Variants in EEFSEC observed in about 807,000 individuals in gnomAD.
EEFSEC encodes the protein eukaryotic elongation factor, selenocysteine-tRNA specific, also known as selenocysteine-specific elongation factor.
A neutral mutation model predicts 42.1 loss-of-function variants in EEFSEC; 43 were observed. That is an observed-to-expected ratio of 1.02 (90% CI 0.80 to 1.32). The LOEUF (loss-of-function observed/expected upper bound fraction) is 1.32, where lower values mean the gene tolerates loss of function less well. EEFSEC is among the 40% of genes most tolerant of loss of function. EEFSEC has a pLI of 0.00. For synonymous variants in EEFSEC, 354 were observed against 339.1 expected (o/e 1.04, Z -0.48); for missense variants, 745 against 803.6 (o/e 0.93, Z 0.88).
intron 6 of EEFSEC, among the ~76,000 whole-genome samples, chr3:128,401,974 G>A (rs373565588): frequency 3.0e-4 from 45 of 152,284 alleles, no homozygotes; most frequent in African/African-American, 9.6e-4. Context: ...AGATGTCAGC[G>A]AGCTTTCTGG....
chr3:128,372,939 A>G (rs2067670911), intron 6 of EEFSEC, among the ~76,000 whole-genome samples: 1 of 152,244 alleles, frequency 6.6e-6, no homozygotes, highest in Middle Eastern at 3.2e-3. Context: ...TGTCACTTCC[A>G]TGAAACCTCT....
At chr3:128,186,612 G>C (rs1467363182) in intron 1 of EEFSEC, among the ~76,000 whole-genome samples, 3 of 152,114 alleles carry the variant, frequency 2.0e-5, no homozygotes, top group Admixed American at 6.5e-5. Flanking sequence ...GCATGAAGTA[G>C]AGGTCCAACT....
At chr3:128,351,734 TG>T (rs2067387810) in intron 5 of EEFSEC, among the ~76,000 whole-genome samples, 1 of 152,188 alleles carries the variant, frequency 6.6e-6, no homozygotes, top group South Asian at 2.1e-4. Flanking sequence ...CCAGGGACAA[TG>T]GGGACCCACC....
chr3:128,215,355 G>A (rs1004007348), intron 1 of EEFSEC, among the ~76,000 whole-genome samples: 26 of 152,238 alleles, frequency 1.7e-4, no homozygotes, highest in African/African-American at 6.3e-4. Flanking sequence ...TTAGGATCCT[G>A]GCTCCACTCC....
rs1290095513 is a variant in EEFSEC, at chr3:128,387,854, G to A, written c.1601-20215G>A. 3.3e-5 allele frequency among the ~76,000 whole-genome samples: 5 copies of A among 152,228 alleles called. 1 individual carries two copies. In the East Asian group the frequency reaches 9.6e-4, roughly 29 times the overall value. The stretch of plus-strand genomic sequence containing the variant: ...TTTGGAGCCCTGGCAGCCCCCACCT[G>A]ATGTGCCTGCCCCAGGCAGCATGGA... On this transcript the variant is annotated intron_variant, in intron 6 of 6. Transcript: ENST00000254730.
At chr3:128,212,978 G>T (rs116270392) in intron 1 of EEFSEC, among the ~76,000 whole-genome samples, 1 of 152,350 alleles carries the variant, frequency 6.6e-6, no homozygotes, top group African/African-American at 2.4e-5. Flanking sequence ...GCACACATCT[G>T]CAGCGCCAGC....
At chr3:128,226,728 C>T (rs768499158) in intron 1 of EEFSEC, among the ~76,000 whole-genome samples, 15 of 152,284 alleles carry the variant, frequency 9.9e-5, no homozygotes, top group East Asian at 1.9e-4. Flanking sequence ...TGAAGCTTCT[C>T]GAGGGCAGGG....
intron 4 of EEFSEC, among the ~76,000 whole-genome samples, chr3:128,266,839 A>G (rs2066359460): frequency 6.6e-6 from 1 of 152,106 alleles, no homozygotes; most frequent in Admixed American, 6.5e-5. Flanking sequence ...ATAAAGCACA[A>G]AAGTGTAAAA....
At chr3:128,305,751 A>T (rs1158085166) in intron 4 of EEFSEC, among the ~76,000 whole-genome samples, 1 of 152,114 alleles carries the variant, frequency 6.6e-6, no homozygotes, top group Non-Finnish European at 1.5e-5. Flanking sequence ...GCATTTATCT[A>T]TCAATTCTAT....
intron 1 of EEFSEC, among the ~76,000 whole-genome samples, chr3:128,233,372 G>A (rs567959797): frequency 6.6e-6 from 1 of 152,340 alleles, no homozygotes; most frequent in South Asian, 2.1e-4. Flanking sequence ...GTAAATAATA[G>A]TAGAGGTAGT....
the EEFSEC span, among the ~76,000 whole-genome samples, chr3:128,423,038 C>A: frequency 6.6e-6 from 1 of 152,256 alleles, no homozygotes; most frequent in South Asian, 2.1e-4. Flanking sequence ...GTGAGACCTG[C>A]AGGAAGGGTC....
chr3:128,210,004 C>T (rs769063538), intron 1 of EEFSEC, among the ~76,000 whole-genome samples: 5 of 152,214 alleles, frequency 3.3e-5, no homozygotes, highest in Non-Finnish European at 5.9e-5. Flanking sequence ...TAAACAGGAG[C>T]ACCTTTCTTT....
chr3:128,328,529 T>C (rs2067090385), intron 4 of EEFSEC, among the ~76,000 whole-genome samples: 1 of 152,206 alleles, frequency 6.6e-6, no homozygotes, highest in Non-Finnish European at 1.5e-5. Flanking sequence ...CAATGGAATG[T>C]CATAAAGCTC....
At chr3:128,420,685 C>G in the EEFSEC span, among the ~76,000 whole-genome samples, 1 of 152,182 alleles carries the variant, frequency 6.6e-6, no homozygotes, top group Non-Finnish European at 1.5e-5. Flanking sequence ...ATGCAGAGCC[C>G]CAGTGAAAGA....
chr3:128,385,652 C>T (rs1322985506), intron 6 of EEFSEC, among the ~76,000 whole-genome samples: 1 of 152,210 alleles, frequency 6.6e-6, no homozygotes. Context: ...TATGAGTTAC[C>T]TCATTGACTT....
chr3:128,270,338 G>A (rs186451964), intron 4 of EEFSEC, among the ~76,000 whole-genome samples: 2 of 152,296 alleles, frequency 1.3e-5, no homozygotes, highest in African/African-American at 4.8e-5. Flanking sequence ...ATGCAAATAT[G>A]CTTTGCGGAC....
At chr3:128,390,886 G>C (rs143456939) in intron 6 of EEFSEC, among the ~76,000 whole-genome samples, 1 of 152,224 alleles carries the variant, frequency 6.6e-6, no homozygotes, top group Admixed American at 6.5e-5. Flanking sequence ...GGCGCCCTCA[G>C]GCTGGGTGTT....
chr3:128,169,912 C>G (rs912397807), intron 1 of EEFSEC, among the ~76,000 whole-genome samples: 1 of 152,226 alleles, frequency 6.6e-6, no homozygotes, highest in South Asian at 2.1e-4. Flanking sequence ...CCTCCATCCC[C>G]TTTCCTGCGG....
At chr3:128,291,984 A>G (rs1039109080) in intron 4 of EEFSEC, among the ~76,000 whole-genome samples, 1 of 152,142 alleles carries the variant, frequency 6.6e-6, no homozygotes, top group African/African-American at 2.4e-5. Flanking sequence ...GAAAGCTTTT[A>G]TCATAAATGG....
Sources: gnomAD v4.1 joint callset for allele counts (sites outside exome capture counted in the v4.1 genomes callset) on GRCh38, gnomAD v4.1.1 for gene constraint, MANE v1.5 for transcripts, NCBI Gene and HGNC (gene_info 2026-07-23, HGNC 2026-07-21) for gene names.